Variants in BRCA1 observed in about 807,000 individuals in gnomAD.
BRCA1 encodes breast cancer type 1 susceptibility protein.
Under a neutral mutation model 173.7 loss-of-function variants are expected in BRCA1, and 140 were observed. The ratio of observed to expected loss-of-function variants is 0.81; its 90% CI spans 0.70 to 0.93. The LOEUF (loss-of-function observed/expected upper bound fraction) is 0.93. Ranked by LOEUF, BRCA1 falls within the 40% of genes least tolerant of loss-of-function variation. BRCA1 has a pLI of 0.00. For missense variants in BRCA1, 1,983 were observed against 2,172.5 expected (o/e 0.91, Z 1.73); for synonymous variants, 662 against 756.0 (o/e 0.88, Z 2.04).
intron 1 of BRCA1, among the ~76,000 whole-genome samples, chr17:43,155,545 G>A (rs1224737329): frequency 1.3e-5 from 2 of 151,372 alleles, no homozygotes; most frequent in Non-Finnish European, 2.9e-5. Context: ...TTTTTTTGGG[G>A]GGAGATGGAG....
intron 2 of BRCA1, among the ~76,000 whole-genome samples, chr17:43,116,851 C>T (rs1274897763): frequency 6.6e-6 from 1 of 152,148 alleles, no homozygotes; most frequent in Non-Finnish European, 1.5e-5. Flanking sequence ...GTGTCTCTTA[C>T]TTTTTCTCCC....
intron 1 of BRCA1, chr17:43,124,956 G>A (rs2055801828): frequency 2.9e-6 from 1 of 339,708 alleles, no homozygotes; most frequent in Non-Finnish European, 5.9e-6. Context: ...ACGTTGGTCA[G>A]GCTGGTCTGG....
At position 43,074,403 on chromosome 17, in the gene BRCA1, C is replaced by A. The variant is rs80357366; in HGVS notation, c.4603G>T (p.Glu1535Ter). ...CCAGACTCTTCCAGCTGTTGCTCCT[C>A]CACATCAACAACCTTAATGAGCTCC... ...QEELIKVVDV[E>*]EQQLEESGPH... The change falls in exon 14 of 23, where the codon GAG (glutamate) becomes TAG (stop). Residue 1535 changes from glutamate (E) to a stop codon, truncating the protein, a stop_gained. Transcript: ENST00000357654. LOFTEE classifies it high-confidence loss of function. 1.2e-6 allele frequency: 2 copies of A among 1,614,034 alleles called. No individual in the cohort carries two copies. The highest frequency in any genetic ancestry group is 2.7e-5 in the African/African-American group (2 of 74,932).
intron 1 of BRCA1, chr17:43,131,214 GTT>G (rs1461759768): frequency 3.5e-6 from 1 of 282,810 alleles, no homozygotes; most frequent in Non-Finnish European, 8.1e-6. Context: ...GTAGGTAAAA[GTT>G]TCATTTGATC....
chr17:43,081,003 G>T (rs960537754), intron 12 of BRCA1, among the ~76,000 whole-genome samples: 1 of 152,180 alleles, frequency 6.6e-6, no homozygotes, highest in Non-Finnish European at 1.5e-5. Context: ...TTGGTATTAA[G>T]TTGTGATATC....
chr17:43,141,507 A>T (rs929030671), intron 1 of BRCA1, among the ~76,000 whole-genome samples: 8 of 151,798 alleles, frequency 5.3e-5, no homozygotes, highest in South Asian at 4.2e-4. Context: ...ACATAAAAAA[A>T]TTTTTTGTTA....
rs774583925 is a variant in BRCA1 at position 43,104,194 on chromosome 17, A to T, written c.369T>A (p.Ser123=). 7 of 1,613,940 alleles carry T rather than the reference A, an allele frequency of 4.3e-6. 1 individual carries two copies. In the Admixed American group the frequency reaches 1.2e-4, roughly 27 times the overall value. ...TTCTGTAGCCCATACTTTGGATGAT[A>T]GAAACTTCATCTTTTAGATGTTCAG... is the stretch of plus-strand genomic sequence containing the variant. ...NSPEHLKDEV[S]IIQSMGYRNR... is the part of the protein sequence containing the mutation. The change falls in exon 6 of 23, where the codon TCT becomes TCA. Residue 123 remains serine (S), a synonymous_variant. Coordinates refer to ENST00000357654, the MANE Select transcript of BRCA1 (RefSeq NM_007294.4).
intron 6 of BRCA1, among the ~76,000 whole-genome samples, chr17:43,102,748 A>C (rs1381828171): frequency 6.6e-6 from 1 of 150,834 alleles, no homozygotes; most frequent in Non-Finnish European, 1.5e-5. Flanking sequence ...CATCTCCTGG[A>C]CTCAAGTGAT....
intron 8 of BRCA1, among the ~76,000 whole-genome samples, chr17:43,096,240 G>A (rs950343459): frequency 6.6e-6 from 1 of 151,872 alleles, no homozygotes; most frequent in Non-Finnish European, 1.5e-5. Flanking sequence ...AGCCGGGTGT[G>A]GTGGCGCGCG....
chr17:43,089,947 C>T (rs1201572173), intron 11 of BRCA1, among the ~76,000 whole-genome samples: 1 of 151,176 alleles, frequency 6.6e-6, no homozygotes, highest in Non-Finnish European at 1.5e-5. Flanking sequence ...GTCAAAGCTA[C>T]AGTGAACCAT....
At chr17:43,130,167 T>A (rs544943340), upstream of BRCA1, among the ~76,000 whole-genome samples, 3 of 152,338 alleles carry the variant, frequency 2.0e-5, no homozygotes, top group South Asian at 2.1e-4. Flanking sequence ...TTATTATTTT[T>A]AAAAATGTTT....
intron 22 of BRCA1, among the ~76,000 whole-genome samples, chr17:43,047,377 A>C (rs935358605): frequency 1.3e-5 from 2 of 152,022 alleles, no homozygotes; most frequent in African/African-American, 4.8e-5. Context: ...CTGGAATTAT[A>C]GGCATGAGCC....
chr17:43,053,798 C>T (rs1029972646), intron 19 of BRCA1, among the ~76,000 whole-genome samples: 6 of 151,612 alleles, frequency 4.0e-5, no homozygotes, highest in Admixed American at 3.3e-4. Context: ...GGAGAAACCC[C>T]ATCTCTACTA....
chr17:43,137,254 A>G (rs2056033037), intron 1 of BRCA1, among the ~76,000 whole-genome samples: 2 of 119,416 alleles, frequency 1.7e-5, no homozygotes, highest in Admixed American at 1.1e-4. Flanking sequence ...AGGGTGGGGA[A>G]CATCACACAC....
upstream of BRCA1, among the ~76,000 whole-genome samples, chr17:43,128,084 T>C (rs1441325734): frequency 6.9e-6 from 1 of 144,440 alleles, no homozygotes; most frequent in African/African-American, 2.6e-5. Context: ...AGCAACCCGC[T>C]CTGGTCTCCT....
chr17:43,097,354 T>G, intron 7 of BRCA1, 65 bp from the exon 8 acceptor site: 1 of 1,215,252 alleles, frequency 8.2e-7, no homozygotes, highest in African/African-American at 1.5e-5. Context: ...GTTAAAAAAA[T>G]GTACTTGTTG....
chr17:43,100,565 TATATATAAC>T lies in BRCA1; in HGVS notation c.442-694_442-686del, dbSNP rs1363656120. 2.3e-3 allele frequency among the ~76,000 whole-genome samples: 244 copies of T among 108,366 alleles called. 3 individuals carry two copies. Among genetic ancestry groups the T allele is most frequent in the Non-Finnish European group, 3.4e-3 (189 of 55,480 alleles). The allele number at this position is 108,366 out of a possible 152,430, so 71.1% of individuals were successfully genotyped here. On this transcript the variant is annotated intron_variant, in intron 6 of 22. Transcript: ENST00000357654. ...ATATATGTGTGTGTGTGTGTATATA[TATATATAAC>T]ATATATATAACATATATATATTATA...
chr17:43,057,537 TA>T (rs1234118104), intron 18 of BRCA1, among the ~76,000 whole-genome samples: 1,348 of 128,846 alleles, frequency 0.01, 25 homozygotes, highest in African/African-American at 0.032. Flanking sequence ...AAAATAAAAT[TA>T]AAAAAAAAAA....
At chr17:43,100,632 T>TATTA (rs1555595276) in intron 6 of BRCA1, among the ~76,000 whole-genome samples, 3 of 43,210 alleles carry the variant, frequency 6.9e-5, no homozygotes, top group African/African-American at 4.8e-4. Flanking sequence ...TATATATATG[T>TATTA]TATATATATA....
Sources: gnomAD v4.1 joint callset for allele counts (sites outside exome capture counted in the v4.1 genomes callset) on GRCh38, gnomAD v4.1.1 for gene constraint, MANE v1.5 for transcripts, NCBI Gene and HGNC (gene_info 2026-07-23, HGNC 2026-07-21) for gene names.